The following TRIM16 variants were observed in gnomAD, a reference collection of about 807,000 sequenced individuals.
TRIM16 encodes tripartite motif-containing protein 16.
Under a neutral mutation model 50.4 loss-of-function variants are expected in TRIM16, and 33 were observed. The ratio of observed to expected loss-of-function variants is 0.65; its 90% confidence interval spans 0.50 to 0.88. TRIM16 has a LOEUF of 0.88. Among genes scored for constraint, TRIM16 ranks in the 40% least tolerant of loss-of-function variants. TRIM16 has a pLI of 0.00. For synonymous variants in TRIM16, 229 were observed against 270.7 expected (o/e 0.85, Z 1.51); for missense variants, 581 against 686.8 (o/e 0.85, Z 1.72).
chr17:15,637,159 G>C (rs1165137164), intron 8 of TRIM16, among the ~76,000 whole-genome samples: 6 of 142,160 alleles, frequency 4.2e-5, no homozygotes, highest in African/African-American at 1.4e-4. Context: ...CGCCCCATCC[G>C]GGAGGGAGGT....
intron 6 of TRIM16, among the ~76,000 whole-genome samples, chr17:15,662,469 C>T (rs1988285020): frequency 6.6e-6 from 1 of 152,242 alleles, no homozygotes; most frequent in African/African-American, 2.4e-5. Context: ...ACTATTTACA[C>T]ACAATGCACA....
Position 15,680,845 on chromosome 17 carries a change from G to T in TRIM16, c.-590+20C>A. On this transcript the variant is annotated intron_variant, in intron 4 of 11. Coordinates refer to ENST00000649191, the MANE Select transcript of TRIM16 (RefSeq NM_001348119.1). ...AATTAAAATAAAATTTCCAAGAAGAGAGGAAAATCCCCAACTCACCTGGGA... is the reference window on the plus strand; with the variant it reads ...AATTAAAATAAAATTTCCAAGAAGATAGGAAAATCCCCAACTCACCTGGGA... 6.5e-7 allele frequency: 1 copy of T among 1,529,370 alleles called. No homozygotes were observed. Among genetic ancestry groups the T allele is most frequent in the Non-Finnish European group, 8.8e-7 (1 of 1,141,388 alleles). 94.7% of individuals were successfully genotyped at this position (1,529,370 alleles called of 1,614,324 possible).
In TRIM16 at chr17:15,631,682, C is replaced by T. The variant is rs1211508499; in HGVS notation, c.1048G>A (p.Val350Ile). 27 of 1,613,784 alleles carry T rather than the reference C, an allele frequency of 1.7e-5. No homozygotes were observed. The highest frequency in any genetic ancestry group is 9.9e-5 in the South Asian group (9 of 91,070). Residue 350 changes from valine (V) to isoleucine (I), a missense_variant, in exon 11 of 12, where the codon GTT becomes ATT. By Grantham distance (29) the Val-to-Ile change is conservative. This residue lies in a region of TRIM16 where 450 missense variants were observed against 544.3 expected (regional missense o/e 0.83). Transcript: ENST00000649191. ...GAAGTCCAATATTTGCGCTGAACAA[C>T]GGCAGACACTTGAGTTCTGATGTCA... ...EYDIRTQVSAVVQRKYWTSKP... is the reference protein window; with the variant it reads ...EYDIRTQVSAIVQRKYWTSKP...
intron 8 of TRIM16, among the ~76,000 whole-genome samples, chr17:15,639,051 T>C (rs1407741352): frequency 1.6e-5 from 2 of 128,396 alleles, no homozygotes; most frequent in Non-Finnish European, 3.3e-5. Flanking sequence ...CTCTCTTTTT[T>C]TTTTTTTTTT....
intron 7 of TRIM16, among the ~76,000 whole-genome samples, chr17:15,648,971 C>T (rs979868404): frequency 1.3e-5 from 2 of 152,172 alleles, no homozygotes; most frequent in Admixed American, 6.5e-5. Flanking sequence ...CCCAAACTGC[C>T]CTCAAGCCCA....
intron 7 of TRIM16, among the ~76,000 whole-genome samples, chr17:15,647,145 T>C (rs1173501678): frequency 1.3e-5 from 2 of 151,944 alleles, no homozygotes; most frequent in Non-Finnish European, 2.9e-5. Flanking sequence ...TTTTGTATTT[T>C]TTTTTTTTAG....
chr17:15,646,083 G>A (rs1294707530), intron 7 of TRIM16, among the ~76,000 whole-genome samples: 2 of 152,198 alleles, frequency 1.3e-5, no homozygotes, highest in Non-Finnish European at 2.9e-5. Context: ...GCAGTCGGCA[G>A]CAGCGGGGCC....
chr17:15,628,972 G>A lies in TRIM16; in HGVS notation c.1338C>T (p.Cys446=), dbSNP rs761357658. ...CCTCCCCTTTCCGGTCGATGCCTTT[G>A]CAGGTCAGGCCAACATAGGTGCCTG... ...FGAGTYVGLT[C]KGIDRKGEER... Residue 446 remains cysteine (C), a synonymous_variant, in exon 12 of 12, where the codon TGC becomes TGT. Coordinates refer to ENST00000649191, the MANE Select transcript of TRIM16 (RefSeq NM_001348119.1). 6.2e-7 allele frequency: 1 copy of A among 1,614,182 alleles called. No individual in the cohort carries two copies. Among genetic ancestry groups the A allele is most frequent in the South Asian group, 1.1e-5 (1 of 91,090 alleles).
At chr17:15,635,377 G>A (rs571728316) in intron 9 of TRIM16, among the ~76,000 whole-genome samples, 2 of 148,752 alleles carry the variant, frequency 1.3e-5, no homozygotes, top group South Asian at 4.4e-4. Context: ...CGTTCCAATG[G>A]CTTACGGTTT....
chr17:15,648,247 A>C (rs895358412), intron 7 of TRIM16, among the ~76,000 whole-genome samples: 1 of 143,296 alleles, frequency 7.0e-6, no homozygotes, highest in Non-Finnish European at 1.5e-5. Flanking sequence ...AAAACAAAAA[A>C]CAAACAAACA....
chr17:15,628,797 T>C lies in TRIM16; in HGVS notation c.1513A>G (p.Ile505Val), dbSNP rs765570579. The C allele has an allele frequency of 5.0e-6, 8 of 1,614,072 alleles. No individual in the cohort carries two copies. The Admixed American group carries it at 1.0e-4, about 20-fold the overall frequency. Residue 505 changes from isoleucine to valine, a missense_variant, in exon 12 of 12, where the codon ATC becomes GTC. Coordinates refer to ENST00000649191, the MANE Select transcript of TRIM16 (RefSeq NM_001348119.1). ...LGVYIDFPGG[I>V]LSFYGVEYDT... is the part of the protein sequence containing the mutation. ...TACTCTACGCCATAGAAGGAAAGGA[T>C]CCCTCCCGGGAAGTCGATATAGACC...
At chr17:15,666,568 T>A (rs200194998) in intron 6 of TRIM16, among the ~76,000 whole-genome samples, 1 of 152,318 alleles carries the variant, frequency 6.6e-6, no homozygotes, top group East Asian at 1.9e-4. Flanking sequence ...TTATTCAATC[T>A]TTCTACCATG....
At chr17:15,681,686 G>A (rs71358357) in intron 3 of TRIM16, among the ~76,000 whole-genome samples, 6 of 120,700 alleles carry the variant, frequency 5.0e-5, no homozygotes, top group Non-Finnish European at 1.1e-4. Flanking sequence ...AACTGCTGAT[G>A]CTATTACCTT....
chr17:15,636,767 C>T (rs56233724), intron 8 of TRIM16, among the ~76,000 whole-genome samples: 2,909 of 148,216 alleles, frequency 0.02, 194 homozygotes, highest in Non-Finnish European at 0.033. Context: ...ATACAGAATC[C>T]CCATAAAATG....
intron 6 of TRIM16, among the ~76,000 whole-genome samples, chr17:15,656,475 AT>A (rs1987986307): frequency 6.6e-6 from 1 of 151,814 alleles, no homozygotes; most frequent in African/African-American, 2.4e-5. Context: ...TCCTTCTCTC[AT>A]TTCCTATGCC....
At chr17:15,637,186 C>G (rs1320264295) in intron 8 of TRIM16, among the ~76,000 whole-genome samples, 1 of 144,484 alleles carries the variant, frequency 6.9e-6, no homozygotes, top group Non-Finnish European at 1.5e-5. Context: ...GTCAGCCCCC[C>G]GCCTGGCCAG....
chr17:15,655,182 T>C (rs1987915463), intron 6 of TRIM16, among the ~76,000 whole-genome samples: 1 of 152,172 alleles, frequency 6.6e-6, no homozygotes, highest in African/African-American at 2.4e-5. Flanking sequence ...AATCCCTTTT[T>C]CAGAGTGACC....
In TRIM16 at chr17:15,682,954, G is replaced by A; in HGVS notation, c.-776-3C>T. Reference sequence around the variant, plus strand: ...CCCACACACATTTTACAAGGTTGCTGTAAAGAAAAACTAAAATGAGGTTGT... The same window carrying A: ...CCCACACACATTTTACAAGGTTGCTATAAAGAAAAACTAAAATGAGGTTGT... On this transcript the variant is annotated splice_region_variant and splice_polypyrimidine_tract_variant and intron_variant, in intron 2 of 11. Transcript: ENST00000649191. The A allele has an allele frequency of 5.2e-6, 8 of 1,543,686 alleles. No individual in the cohort carries two copies. Among genetic ancestry groups the A allele is most frequent in the South Asian group, 2.4e-5 (2 of 82,506 alleles).
At chr17:15,673,411 G>A (rs1202523284) in intron 6 of TRIM16, among the ~76,000 whole-genome samples, 3 of 152,124 alleles carry the variant, frequency 2.0e-5, no homozygotes, top group Non-Finnish European at 1.5e-5. Context: ...TACTAACACC[G>A]ACTTCTTTAA....
Sources: allele counts gnomAD v4.1 joint callset (sites outside exome capture counted in the v4.1 genomes callset), GRCh38; gene constraint gnomAD v4.1.1; regional missense constraint gnomAD v4.1.1; transcripts MANE v1.5; gene names NCBI Gene and HGNC (gene_info 2026-07-23, HGNC 2026-07-21).